TCF7L2: variants seen among roughly 807,000 people sequenced by gnomAD.
TCF7L2 encodes the protein transcription factor 7-like 2.
Under a neutral mutation model 77.9 loss-of-function variants are expected in TCF7L2, and 23 were observed. The ratio of observed to expected loss-of-function variants is 0.30; its 90% CI spans 0.21 to 0.42. TCF7L2 has a LOEUF of 0.42. Among genes scored for constraint, TCF7L2 ranks in the 10% least tolerant of loss-of-function variants. TCF7L2 has a pLI of 1.00. For missense variants in TCF7L2, 654 were observed against 793.1 expected (o/e 0.82, Z 2.11); for synonymous variants, 413 against 340.2 (o/e 1.21, Z -2.36).
At chr10:112,994,640 C>T (rs1465959493) in intron 4 of TCF7L2, among the ~76,000 whole-genome samples, 1 of 152,126 alleles carries the variant, frequency 6.6e-6, no homozygotes, top group Non-Finnish European at 1.5e-5. Flanking sequence ...ACCTTGGGTT[C>T]TGTGATGTAC....
intron 5 of TCF7L2, among the ~76,000 whole-genome samples, chr10:113,100,779 G>T (rs2061541488): frequency 6.6e-6 from 1 of 152,194 alleles, no homozygotes; most frequent in African/African-American, 2.4e-5. Context: ...TTAGCAAAAA[G>T]AAATTCCATC....
chr10:113,110,527 C>T (rs535132635), intron 5 of TCF7L2, among the ~76,000 whole-genome samples: 5 of 152,164 alleles, frequency 3.3e-5, no homozygotes, highest in South Asian at 2.1e-4. Context: ...GTAGTATACA[C>T]ATGTCTTTGG....
chr10:113,082,380 TACA>T (rs932943844), intron 5 of TCF7L2, among the ~76,000 whole-genome samples: 65 of 152,264 alleles, frequency 4.3e-4, no homozygotes, highest in African/African-American at 1.6e-3. Flanking sequence ...CTGTTTATGA[TACA>T]ACAATTAAAA....
intron 11 of TCF7L2, among the ~76,000 whole-genome samples, chr10:113,156,767 G>A (rs1257507104): frequency 6.6e-6 from 1 of 152,240 alleles, no homozygotes; most frequent in African/African-American, 2.4e-5. Flanking sequence ...CATTAAACTT[G>A]TAGGCAGCAG....
chr10:113,050,269 G>A (rs2054194995), intron 5 of TCF7L2, among the ~76,000 whole-genome samples: 1 of 152,176 alleles, frequency 6.6e-6, no homozygotes, highest in African/African-American at 2.4e-5. Flanking sequence ...GACACCGTCT[G>A]TGTTGCTCAG....
intron 5 of TCF7L2, among the ~76,000 whole-genome samples, chr10:113,102,115 A>C (rs1458323545): frequency 0.067 from 1,528 of 22,884 alleles, 41 homozygotes; most frequent in African/African-American, 0.13. Flanking sequence ...CTCCATCAAA[A>C]AAAAAAAAAA....
chr10:113,140,638 G>T lies in TCF7L2; in HGVS notation c.553-546G>T, dbSNP rs528915997. Among the ~76,000 whole-genome samples, 25 of 152,298 alleles carry T rather than the reference G, an allele frequency of 1.6e-4. No individual in the cohort carries two copies. In the East Asian group the frequency reaches 4.6e-3, roughly 28 times the overall value. Reference sequence around the variant, plus strand: ...GTGGGGTTTTGCATCCATGCTGTCTGTGAAGGATTGTAGCATGCCCGCTGT... The same window carrying T: ...GTGGGGTTTTGCATCCATGCTGTCTTTGAAGGATTGTAGCATGCCCGCTGT... On this transcript the variant is annotated intron_variant, in intron 5 of 13. Coordinates refer to ENST00000627217, the MANE Select transcript of TCF7L2 (RefSeq NM_001146274.2).
intron 4 of TCF7L2, among the ~76,000 whole-genome samples, chr10:113,030,357 A>G (rs1432986304): frequency 6.6e-6 from 1 of 152,148 alleles, no homozygotes; most frequent in Non-Finnish European, 1.5e-5. Context: ...TACCATATTC[A>G]GCTCCCAGTG....
Position 113,166,261 on chromosome 10 carries a change from A to C in TCF7L2, c.*289A>C, listed in dbSNP as rs71483172. ...TTTAAAAAATATATATATATACATA[A>C]CTGTTATGTAGTTCGGATAGCTTAG... On this transcript the variant is annotated 3_prime_UTR_variant, in exon 14 of 14. Coordinates refer to ENST00000627217, the MANE Select transcript of TCF7L2 (RefSeq NM_001146274.2). The C allele has an allele frequency of 3.5e-6, 1 of 286,096 alleles. No homozygotes were observed. The highest frequency in any genetic ancestry group is 6.4e-6 in the Non-Finnish European group (1 of 155,266). The allele number at this position is 286,096 out of a possible 1,614,324, so 17.7% of individuals were successfully genotyped here. A position where few individuals can be genotyped will look rare whatever the true frequency, so the allele number is the denominator to read the frequency against.
chr10:112,951,510 T>C lies in TCF7L2; in HGVS notation c.284T>C (p.Phe95Ser). 7.0e-7 allele frequency: 1 copy of C among 1,430,500 alleles called. No homozygotes were observed. Among genetic ancestry groups the C allele is most frequent in the Non-Finnish European group, 9.4e-7 (1 of 1,069,084 alleles). The allele number at this position is 1,430,500 out of a possible 1,614,324, so 88.6% of individuals were successfully genotyped here. A position where few individuals can be genotyped will look rare whatever the true frequency, so the allele number is the denominator to read the frequency against. Reference sequence around the variant, plus strand: ...GCCAAGAGGCAAGATGGAGGGCTCTTTAAGGGGCCACCGTATCCCGGCTAC... The same window carrying C: ...GCCAAGAGGCAAGATGGAGGGCTCTCTAAGGGGCCACCGTATCCCGGCTAC... The change falls in exon 3 of 14, where the codon TTT (phenylalanine) becomes TCT (serine). Residue 95 changes from phenylalanine (F) to serine (S), a missense_variant. This residue lies in a region of TCF7L2 where 132 missense variants were observed against 123.7 expected (regional missense o/e 1.07). Transcript: ENST00000627217.
chr10:113,040,341 T>G (rs188879713), intron 5 of TCF7L2, among the ~76,000 whole-genome samples: 38 of 152,350 alleles, frequency 2.5e-4, no homozygotes, highest in Admixed American at 1.2e-3. Context: ...TACAAACCTT[T>G]CCTCCACTCT....
chr10:113,024,688 C>T (rs557866611), intron 4 of TCF7L2, among the ~76,000 whole-genome samples: 209 of 140,044 alleles, frequency 1.5e-3, no homozygotes, highest in South Asian at 3.9e-3. Flanking sequence ...GGTGTGATCT[C>T]GGCTCACTGC....
intron 5 of TCF7L2, among the ~76,000 whole-genome samples, chr10:113,134,620 A>G (rs1275640990): frequency 6.6e-6 from 1 of 152,222 alleles, no homozygotes; most frequent in Non-Finnish European, 1.5e-5. Flanking sequence ...AACTTACCAC[A>G]TCTTCAGTGA....
chr10:113,165,916 T>C lies in TCF7L2; in HGVS notation c.1753T>C (p.Ser585Pro), dbSNP rs147841431. ...GACTTCTTCCTTACATTCCCACAGC[T>C]CCCTGGCCGGGACCCAGCCCCAGCC... Residue 585 changes from serine to proline, a missense_variant, in exon 14 of 14, where the codon TCC becomes CCC. This residue lies in a region of TCF7L2 where 272 missense variants were observed against 215.4 expected (regional missense o/e 1.26). Transcript: ENST00000627217. 2.1e-3 allele frequency: 3,390 copies of C among 1,579,108 alleles called. 52 individuals carry two copies. The African/African-American group carries it at 0.038, about 18-fold the overall frequency.
At chr10:113,014,828 T>G (rs986879971) in intron 4 of TCF7L2, among the ~76,000 whole-genome samples, 5 of 152,014 alleles carry the variant, frequency 3.3e-5, no homozygotes, top group African/African-American at 1.2e-4. Flanking sequence ...AAAGGAGATT[T>G]CCTCCTTCTG....
At position 113,161,450 on chromosome 10, in the gene TCF7L2, C is replaced by T. The variant is rs962256264; in HGVS notation, c.1391+759C>T. Reference sequence around the variant, plus strand: ...TTCCACCTGCAGGTCTCCATCCAGCCTGCATTCTCAGGGAAAGTGTAGGTA... The same window carrying T: ...TTCCACCTGCAGGTCTCCATCCAGCTTGCATTCTCAGGGAAAGTGTAGGTA... On this transcript the variant is annotated intron_variant, in intron 13 of 13. Transcript: ENST00000627217. 1.8e-5 allele frequency: 18 copies of T among 1,005,670 alleles called. No homozygotes were observed. The African/African-American group carries it at 2.9e-4, about 16-fold the overall frequency. 62.3% of individuals were successfully genotyped at this position (1,005,670 alleles called of 1,614,324 possible).
chr10:113,138,837 G>T (rs1353016386), intron 5 of TCF7L2, among the ~76,000 whole-genome samples: 1 of 152,090 alleles, frequency 6.6e-6, no homozygotes, highest in African/African-American at 2.4e-5. Context: ...TGGGTCCTGA[G>T]CCCAGACCCA....
intron 4 of TCF7L2, among the ~76,000 whole-genome samples, chr10:113,022,899 G>T (rs1057066262): frequency 2.6e-5 from 4 of 152,124 alleles, no homozygotes; most frequent in African/African-American, 9.7e-5. Context: ...AATTCTTTTG[G>T]ATGTCAGCAC....
rs760212486 is a variant in TCF7L2 at position 113,165,927 on chromosome 10, G to A, written c.1764G>A (p.Gly588=). 1 of 1,560,582 alleles carries A rather than the reference G, an allele frequency of 6.4e-7. No homozygotes were observed. The highest frequency in any genetic ancestry group is 8.7e-7 in the Non-Finnish European group (1 of 1,151,638). The change falls in exon 14 of 14, where the codon GGG becomes GGA. Residue 588 remains glycine (G), a synonymous_variant. Transcript: ENST00000627217. ...TACATTCCCACAGCTCCCTGGCCGGGACCCAGCCCCAGCCGCTGTCGCTCG... is the reference window on the plus strand; with the variant it reads ...TACATTCCCACAGCTCCCTGGCCGGAACCCAGCCCCAGCCGCTGTCGCTCG...
Sources: allele counts gnomAD v4.1 joint callset (sites outside exome capture counted in the v4.1 genomes callset), GRCh38; gene constraint gnomAD v4.1.1; regional missense constraint gnomAD v4.1.1; transcripts MANE v1.5; gene names NCBI Gene and HGNC (gene_info 2026-07-23, HGNC 2026-07-21).